GUCA1B: variants seen among roughly 807,000 people sequenced by gnomAD.
GUCA1B encodes the protein guanylate cyclase activator 1B, also known as guanylyl cyclase-activating protein 2.
Under a neutral mutation model 24.2 loss-of-function variants are expected in GUCA1B, and 22 were observed. That is an observed-to-expected ratio of 0.91 (90% confidence interval 0.65 to 1.30). The LOEUF is 1.30. Ranked by LOEUF, GUCA1B falls within the 50% of genes most tolerant of loss-of-function variation. GUCA1B has a pLI of 0.00. For missense variants in GUCA1B, 221 were observed against 258.8 expected (o/e 0.85, Z 1.00); for synonymous variants, 100 against 97.9 (o/e 1.02, Z -0.13).
intron 3 of GUCA1B, 43 bp downstream of exon 3, chr6:42,185,637 G>C: frequency 8.5e-7 from 1 of 1,183,138 alleles, no homozygotes; most frequent in Non-Finnish European, 1.3e-6. Context: ...AAGTGGCGAT[G>C]ATGCAGAGTG....
rs796730320 is a variant in GUCA1B at position 42,185,797 on chromosome 6, C to A, written c.358G>T (p.Gly120Ter). The stretch of plus-strand genomic sequence containing the variant: ...CAGGCTTTCTTCAGCTGGTAAATTC[C>A]CTGCCAAAGAAAACTCAGCTGCATT... ...DRLELLNIVE[G>*]IYQLKKACRR... The change falls in exon 3 of 4, where the codon GGA (glycine) becomes TGA (stop). Residue 120 changes from glycine to a stop codon, truncating the protein, a stop_gained and splice_region_variant. Transcript: ENST00000230361. LOFTEE classifies it high-confidence loss of function. 1 of 1,598,968 alleles carries A rather than the reference C, an allele frequency of 6.3e-7. No individual in the cohort carries two copies. The highest frequency in any genetic ancestry group is 8.6e-7 in the Non-Finnish European group (1 of 1,166,742).
At chr6:42,193,761 T>C (rs1436355010) in intron 1 of GUCA1B, among the ~76,000 whole-genome samples, 2 of 152,182 alleles carry the variant, frequency 1.3e-5, no homozygotes, top group Admixed American at 1.3e-4. Flanking sequence ...TTCCCAGTGA[T>C]TCAGCTTAGA....
In GUCA1B at chr6:42,194,608, C is replaced by A; in HGVS notation, c.207+6G>T. On this transcript the variant is annotated splice_donor_region_variant and intron_variant, in intron 1 of 3. Transcript: ENST00000230361. ...GCCACTGGTCCTTCCCTTCAGGGTG[C>A]CTTACCCCATTCTTGTCGAAGGCTC... 1 of 1,591,544 alleles carries A rather than the reference C, an allele frequency of 6.3e-7. No homozygotes were observed. Among genetic ancestry groups the A allele is most frequent in the Non-Finnish European group, 8.6e-7 (1 of 1,159,370 alleles).
rs1554187028 is a variant in GUCA1B at position 42,187,418 on chromosome 6, C to CCTTTTTTTT, written c.357+1163_357+1164insAAAAAAAAG. On this transcript the variant is annotated intron_variant, in intron 2 of 3. Transcript: ENST00000230361. ...CGTGCCCGGCCAAGGGTTTATTTTA[C>CCTTTTTTTT]TTTTTTTTTTTTTTTTTTTAAAGAC... Among the ~76,000 whole-genome samples the CCTTTTTTTT allele has an allele frequency of 4.6e-5, 6 of 129,582 alleles. 1 individual carries two copies. Among genetic ancestry groups the CCTTTTTTTT allele is most frequent in the Non-Finnish European group, 3.2e-5 (2 of 62,026 alleles). 85.0% of individuals were successfully genotyped at this position (129,582 alleles called of 152,430 possible).
rs1768165016 is a variant in GUCA1B, at chr6:42,184,824, G to A, written c.594C>T (p.Ala198=). ...AGGGGCCCCAGACTCCTCAGAACAT[G>A]GCACTTTTCCGTCTCTGCTGAGCGA... The part of the protein sequence containing the change: ...SWLAQQRRKS[A]MF The change falls in exon 4 of 4, where the codon GCC becomes GCT. Residue 198 remains alanine, a synonymous_variant. Transcript: ENST00000230361. 1 of 1,613,984 alleles carries A rather than the reference G, an allele frequency of 6.2e-7. No homozygotes were observed. Among genetic ancestry groups the A allele is most frequent in the Admixed American group, 1.7e-5 (1 of 60,004 alleles).
At chr6:42,188,886 T>TTCTATCTATCATCTATCTATCTA (rs1554187119) in intron 1 of GUCA1B, among the ~76,000 whole-genome samples, 155 bp from the exon 2 acceptor site, 27 of 116,430 alleles carry the variant, frequency 2.3e-4, no homozygotes, top group South Asian at 4.4e-4. Flanking sequence ...GTAGAGAACA[T>TTCTATCTATCATCTATCTATCTA]TCTATCTATC....
chr6:42,193,476 A>C (rs1768344175), intron 1 of GUCA1B, among the ~76,000 whole-genome samples: 1 of 152,250 alleles, frequency 6.6e-6, no homozygotes, highest in South Asian at 2.1e-4. Flanking sequence ...AAATCGATTC[A>C]TTCCCTTTTG....
At position 42,186,613 on chromosome 6, in the gene GUCA1B, G is replaced by GC. The variant is rs531016190; in HGVS notation, c.358-817_358-816insG. ...GTCTCAGAAAAAAAAAAGAAAGAAA[G>GC]AAAGCACCATGTAAATGCGGAAGAG... On this transcript the variant is annotated intron_variant, in intron 2 of 3. Transcript: ENST00000230361. Among the ~76,000 whole-genome samples, 1,273 of 150,936 alleles carry GC rather than the reference G, an allele frequency of 8.4e-3. 16 individuals carry two copies. The highest frequency in any genetic ancestry group is 0.029 in the African/African-American group (1,186 of 40,430).
chr6:42,186,318 C>T (rs747036311), intron 2 of GUCA1B, among the ~76,000 whole-genome samples: 1 of 152,156 alleles, frequency 6.6e-6, no homozygotes, highest in Non-Finnish European at 1.5e-5. Flanking sequence ...GTAGTCTGGG[C>T]GCTGTGGCTC....
intron 3 of GUCA1B, among the ~76,000 whole-genome samples, chr6:42,185,194 C>G (rs778379052): frequency 3.2e-4 from 49 of 152,212 alleles, no homozygotes; most frequent in South Asian, 4.1e-4. Flanking sequence ...CTGGGTGGAG[C>G]TGAGAGAGCT....
chr6:42,191,565 A>G (rs1242309014), intron 1 of GUCA1B, among the ~76,000 whole-genome samples: 1 of 152,164 alleles, frequency 6.6e-6, no homozygotes. Context: ...CTTTCTAGGG[A>G]GGCTCTTCCT....
At chr6:42,188,547 G>GCCCAA in intron 2 of GUCA1B, 35 bp downstream of exon 2, 1 of 1,609,926 alleles carries the variant, frequency 6.2e-7, no homozygotes, top group Non-Finnish European at 8.5e-7. Context: ...GTGCTCTAGT[G>GCCCAA]CCCAGGCTGC....
In GUCA1B at chr6:42,194,598, C is replaced by T; in HGVS notation, c.207+16G>A. 1 of 1,565,904 alleles carries T rather than the reference C, an allele frequency of 6.4e-7. No homozygotes were observed. The highest frequency in any genetic ancestry group is 8.8e-7 in the Non-Finnish European group (1 of 1,135,884). On this transcript the variant is annotated intron_variant, in intron 1 of 3. Coordinates refer to ENST00000230361, the MANE Select transcript of GUCA1B (RefSeq NM_002098.6). ...AGGTGGACTGGCCACTGGTCCTTCC[C>T]TTCAGGGTGCCTTACCCCATTCTTG...
At chr6:42,187,437 T>TA (rs1195786100) in intron 2 of GUCA1B, among the ~76,000 whole-genome samples, 1 of 150,366 alleles carries the variant, frequency 6.7e-6, no homozygotes, top group African/African-American at 2.4e-5. Context: ...TTTTTTTTTT[T>TA]AAAGACAAGG....
At chr6:42,185,895 C>T (rs867579359) in intron 2 of GUCA1B, 98 bp from the exon 3 acceptor site, 1 of 780,600 alleles carries the variant, frequency 1.3e-6, no homozygotes, top group Middle Eastern at 2.2e-4. Flanking sequence ...CCAGTGCTGG[C>T]TTCCCAGGCT....
intron 2 of GUCA1B, among the ~76,000 whole-genome samples, chr6:42,186,558 A>G (rs1768195533): frequency 6.6e-6 from 1 of 152,110 alleles, no homozygotes; most frequent in Non-Finnish European, 1.5e-5. Flanking sequence ...GCGCCACTGA[A>G]TTCCAGCCTG....
Position 42,184,124 on chromosome 6 carries a change from T to A in GUCA1B, c.*691A>T, listed in dbSNP as rs1768151910. On this transcript the variant is annotated 3_prime_UTR_variant, in exon 4 of 4. Transcript: ENST00000230361. ...TTTTTTTTTTGAGACGGAGTCTCAC[T>A]GTCGTCCAGGCTGGAGTGCAGTGGC... 6.6e-6 allele frequency among the ~76,000 whole-genome samples: 1 copy of A among 151,360 alleles called. No individual in the cohort carries two copies. Among genetic ancestry groups the A allele is most frequent in the South Asian group, 2.1e-4 (1 of 4,794 alleles).
chr6:42,184,114 G>A lies in GUCA1B; in HGVS notation c.*701C>T, dbSNP rs146652803. On this transcript the variant is annotated 3_prime_UTR_variant, in exon 4 of 4. Transcript: ENST00000230361. ...TTCTTTCTTTTTTTTTTTTTGAGAC[G>A]GAGTCTCACTGTCGTCCAGGCTGGA... 0.014 allele frequency among the ~76,000 whole-genome samples: 2,074 copies of A among 148,576 alleles called. 50 individuals are homozygous for A. Among genetic ancestry groups the A allele is most frequent in the African/African-American group, 0.049 (1,973 of 40,196 alleles).
intron 2 of GUCA1B, among the ~76,000 whole-genome samples, chr6:42,188,288 C>G (rs938430498): frequency 2.1e-5 from 3 of 145,566 alleles, no homozygotes; most frequent in African/African-American, 8.0e-5. Flanking sequence ...ATTTAAGATA[C>G]TTGTCGTGTG....
Sources: gnomAD v4.1 joint callset for allele counts (sites outside exome capture counted in the v4.1 genomes callset) on GRCh38, gnomAD v4.1.1 for gene constraint, MANE v1.5 for transcripts, NCBI Gene and HGNC (gene_info 2026-07-23, HGNC 2026-07-21) for gene names.